ZNF827: variants seen among roughly 807,000 people sequenced by gnomAD.
ZNF827 encodes the protein zinc finger protein 827.
ZNF827 carries 13 observed loss-of-function variants against 102.4 expected under a neutral mutation model. The ratio of observed to expected loss-of-function variants is 0.13; its 90% confidence interval spans 0.08 to 0.20. The LOEUF (loss-of-function observed/expected upper bound fraction) is 0.20, where lower values mean the gene tolerates loss of function less well. Among genes scored for constraint, ZNF827 ranks in the 10% least tolerant of loss-of-function variants. ZNF827 has a pLI of 1.00. For missense variants in ZNF827, 1,103 were observed against 1,344.4 expected (o/e 0.82, Z 2.81); for synonymous variants, 523 against 536.2 (o/e 0.98, Z 0.34).
chr4:145,929,376 A>C (rs565892034), intron 1 of ZNF827, among the ~76,000 whole-genome samples: 2 of 152,348 alleles, frequency 1.3e-5, no homozygotes, highest in East Asian at 1.9e-4. Flanking sequence ...TGGAATACCT[A>C]TTCTCTAATT....
Position 145,761,258 on chromosome 4 carries a change from C to T in ZNF827, c.*358G>A, listed in dbSNP as rs1021671650. 2.6e-5 allele frequency: 34 copies of T among 1,289,714 alleles called. No individual in the cohort carries two copies. The African/African-American group carries it at 4.1e-4, about 16-fold the overall frequency. The allele number at this position is 1,289,714 out of a possible 1,614,324, so 79.9% of individuals were successfully genotyped here. A position where few individuals can be genotyped will look rare whatever the true frequency, so the allele number is the denominator to read the frequency against. The stretch of plus-strand genomic sequence containing the variant: ...TGTGTGGTCTTGAACAGGCACTCTT[C>T]GCAGCTGAAGGTCTGGCGTGGGGCG... On this transcript the variant is annotated 3_prime_UTR_variant, in exon 15 of 15. Transcript: ENST00000508784. This position sits in a 1 kb window ranked among gnomAD's most constrained non-coding sequence, Gnocchi z 6.8.
Position 145,758,599 on chromosome 4 carries a change from A to ACAAAG in ZNF827, c.*3016_*3017insCTTTG, listed in dbSNP as rs1190378833. The ACAAAG allele has an allele frequency of 6.6e-6, 1 of 152,326 alleles. No homozygotes were observed. Among genetic ancestry groups the ACAAAG allele is most frequent in the Non-Finnish European group, 1.5e-5 (1 of 68,144 alleles). 9.4% of individuals were successfully genotyped at this position (152,326 alleles called of 1,614,324 possible). ...TGACTTGAAAACAAAACAAAACAAA[A>ACAAAG]CAAAAAACCAACCCACCCATAAGCC... On this transcript the variant is annotated 3_prime_UTR_variant, in exon 15 of 15. Coordinates refer to ENST00000508784, the MANE Select transcript of ZNF827 (RefSeq NM_001306215.2).
Position 145,843,440 on chromosome 4 carries a change from T to A in ZNF827, c.2279+2516A>T, listed in dbSNP as rs970679068. 5.3e-5 allele frequency among the ~76,000 whole-genome samples: 8 copies of A among 152,152 alleles called. No individual in the cohort carries two copies. The South Asian group carries it at 8.3e-4, about 16-fold the overall frequency. On this transcript the variant is annotated intron_variant, in intron 7 of 14. Transcript: ENST00000508784. ...CATTTTTGCCAAATGGTTAAAAAAATTTTTTTTCTCTTCTATCCTATAATC... is the reference window on the plus strand; with the variant it reads ...CATTTTTGCCAAATGGTTAAAAAAAATTTTTTTCTCTTCTATCCTATAATC...
chr4:145,825,586 C>T lies in ZNF827; in HGVS notation c.2280-2061G>A, dbSNP rs144247621. Among the ~76,000 whole-genome samples, 193 of 152,320 alleles carry T rather than the reference C, an allele frequency of 1.3e-3. 5 individuals carry two copies. The East Asian group carries it at 0.031, about 24-fold the overall frequency. On this transcript the variant is annotated intron_variant, in intron 7 of 14. Coordinates refer to ENST00000508784, the MANE Select transcript of ZNF827 (RefSeq NM_001306215.2). ...TAAAGGAGAGGGCTGGTCAACACCA[C>T]AGGTACATTTGAGAATAACCTTCAC...
At position 145,903,098 on chromosome 4, in the gene ZNF827, A is replaced by G. The variant is rs763887040; in HGVS notation, c.161T>C (p.Leu54Ser). The stretch of plus-strand genomic sequence containing the variant: ...CTCCTGGATCCGGTCCTCCAGAGAC[A>G]ACTTATAGTTCTCCTGGACTTCCCC... ...SYGEVQENYK[L>S]SLEDRIQEQS... is the part of the protein sequence containing the mutation. The change falls in exon 2 of 15, where the codon TTG (leucine) becomes TCG (serine). Residue 54 changes from leucine (L) to serine (S), a missense_variant. Leu to Ser is a moderately radical substitution (Grantham distance 145). Coordinates refer to ENST00000508784, the MANE Select transcript of ZNF827 (RefSeq NM_001306215.2). 3 of 1,614,182 alleles carry G rather than the reference A, an allele frequency of 1.9e-6. No homozygotes were observed. In the South Asian group the frequency reaches 3.3e-5, roughly 18 times the overall value.
In ZNF827 at chr4:145,902,367, C is replaced by A; in HGVS notation, c.892G>T (p.Ala298Ser). ...AALLKEVAARAAGSLLAEKSS... is the reference protein window; with the variant it reads ...AALLKEVAARSAGSLLAEKSS... Reference sequence around the variant, plus strand: ...TTCTCAGCCAGAAGACTGCCCGCAGCCCTTGCGGCCACCTCCTTCAGAAGG... The same window carrying A: ...TTCTCAGCCAGAAGACTGCCCGCAGACCTTGCGGCCACCTCCTTCAGAAGG... The change falls in exon 2 of 15, where the codon GCT becomes TCT. Residue 298 changes from alanine (A) to serine (S), a missense_variant. Around this residue, in one of 5 missense-constraint regions of ZNF827, gnomAD observed 441 missense variants for 458.6 expected, o/e 0.96. Coordinates refer to ENST00000508784, the MANE Select transcript of ZNF827 (RefSeq NM_001306215.2). The surrounding 1 kb of genome is among the most constrained non-coding windows in gnomAD (Gnocchi z 4.3). 6.2e-7 allele frequency: 1 copy of A among 1,611,664 alleles called. No homozygotes were observed. Among genetic ancestry groups the A allele is most frequent in the Non-Finnish European group, 8.5e-7 (1 of 1,178,454 alleles).
Position 145,876,036 on chromosome 4 carries a change from C to T in ZNF827, c.1748-5558G>A, listed in dbSNP as rs1749120989. Among the ~76,000 whole-genome samples the T allele has an allele frequency of 2.0e-5, 3 of 151,990 alleles. No homozygotes were observed. The South Asian group carries it at 6.2e-4, about 32-fold the overall frequency. On this transcript the variant is annotated intron_variant, in intron 4 of 14. Transcript: ENST00000508784. ...AGTTGATTCAGTTTTGTGTAGTAGC[C>T]CTTGTAATGCAGTTTCTCCCCCTCT...
chr4:145,842,327 G>A (rs1393735191), intron 7 of ZNF827, among the ~76,000 whole-genome samples: 2 of 152,166 alleles, frequency 1.3e-5, no homozygotes, highest in African/African-American at 4.8e-5. Context: ...AGGATTTGAT[G>A]GTGAGGAAAG....
chr4:145,933,761 TGAA>T (rs1753966706), intron 1 of ZNF827, among the ~76,000 whole-genome samples: 1 of 147,198 alleles, frequency 6.8e-6, no homozygotes, highest in Non-Finnish European at 1.5e-5. Context: ...CTGAAGCTAA[TGAA>T]GAAATAAGTG....
At chr4:145,870,577 T>C in intron 4 of ZNF827, 99 bp from the exon 5 acceptor site, 1 of 1,080,718 alleles carries the variant, frequency 9.3e-7, no homozygotes, top group Non-Finnish European at 1.3e-6. Context: ...AATCACACTG[T>C]GCTAACAACC....
chr4:145,849,268 G>A, intron 6 of ZNF827, 54 bp downstream of exon 6: 1 of 1,579,730 alleles, frequency 6.3e-7, no homozygotes, highest in Non-Finnish European at 8.6e-7. Flanking sequence ...TGTGTTAGAA[G>A]GGTTTTCCTT....
intron 8 of ZNF827, among the ~76,000 whole-genome samples, chr4:145,794,556 G>A (rs1237911270): frequency 6.6e-6 from 1 of 151,850 alleles, no homozygotes; most frequent in African/African-American, 2.4e-5. Context: ...GTATGGTGGT[G>A]TGTGCCTGTA....
At chr4:145,844,500 C>T (rs1745726261) in intron 7 of ZNF827, among the ~76,000 whole-genome samples, 1 of 150,868 alleles carries the variant, frequency 6.6e-6, no homozygotes, top group Non-Finnish European at 1.5e-5. Flanking sequence ...GGCAACATGG[C>T]GAAACCCTGT....
chr4:145,840,264 G>C (rs1241422001), intron 7 of ZNF827, among the ~76,000 whole-genome samples: 1 of 152,266 alleles, frequency 6.6e-6, no homozygotes, highest in Non-Finnish European at 1.5e-5. Flanking sequence ...TGTCAGGGCA[G>C]CTGCAGATAG....
At chr4:145,821,223 C>T (rs1743115378) in intron 8 of ZNF827, among the ~76,000 whole-genome samples, 1 of 152,102 alleles carries the variant, frequency 6.6e-6, no homozygotes, top group African/African-American at 2.4e-5. Flanking sequence ...GGTTTTGCCA[C>T]AAAATATTTA....
intron 1 of ZNF827, among the ~76,000 whole-genome samples, chr4:145,934,727 G>C (rs1436726803): frequency 6.6e-6 from 1 of 152,200 alleles, no homozygotes; most frequent in East Asian, 1.9e-4. Flanking sequence ...TCCAGACTGT[G>C]TCTGGCTAGT....
intron 8 of ZNF827, among the ~76,000 whole-genome samples, chr4:145,819,473 G>T (rs12646351): frequency 6.6e-6 from 1 of 152,100 alleles, no homozygotes; most frequent in South Asian, 2.1e-4. Flanking sequence ...AATGGCAATG[G>T]GTCTGCTTTT....
intron 3 of ZNF827, among the ~76,000 whole-genome samples, chr4:145,886,964 A>T (rs1346483341): frequency 6.6e-6 from 1 of 152,260 alleles, no homozygotes; most frequent in Non-Finnish European, 1.5e-5. Flanking sequence ...TGCTTAAAAA[A>T]GTGAGGAAAT....
chr4:145,934,638 G>A (rs1351526359), intron 1 of ZNF827, among the ~76,000 whole-genome samples: 1 of 152,196 alleles, frequency 6.6e-6, no homozygotes, highest in East Asian at 1.9e-4. Context: ...GGATTTCCAG[G>A]ACTAATCCAC....
Sources: allele counts gnomAD v4.1 joint callset (sites outside exome capture counted in the v4.1 genomes callset), GRCh38; gene constraint gnomAD v4.1.1; regional missense constraint gnomAD v4.1.1; non-coding constraint Gnocchi (gnomAD v3.1); transcripts MANE v1.5; gene names NCBI Gene and HGNC (gene_info 2026-07-23, HGNC 2026-07-21).